Variants in RNF220 observed in about 807,000 individuals in gnomAD.
RNF220 encodes E3 ubiquitin-protein ligase RNF220.
A neutral mutation model predicts 67.1 loss-of-function variants in RNF220; 7 were observed. The ratio of observed to expected loss-of-function variants is 0.10; its 90% CI spans 0.06 to 0.20. RNF220 has a LOEUF of 0.20. RNF220 is among the 10% of genes least tolerant of loss of function. The pLI is 1.00. For synonymous variants in RNF220, 270 were observed against 283.2 expected (o/e 0.95, Z 0.47); for missense variants, 565 against 740.3 (o/e 0.76, Z 2.75).
intron 2 of RNF220, among the ~76,000 whole-genome samples, chr1:44,576,775 A>G (rs1483516699): frequency 6.6e-6 from 1 of 152,156 alleles, no homozygotes; most frequent in Admixed American, 6.5e-5. Context: ...TTCGTCTCTG[A>G]CTTGTTATTT....
At chr1:44,644,432 C>T (rs1189170284) in intron 8 of RNF220, 10 of 407,464 alleles carry the variant, frequency 2.5e-5, no homozygotes, top group South Asian at 9.0e-5. Context: ...TCCCCGAGGA[C>T]GTGACATAAT....
chr1:44,614,253 G>A lies in RNF220; in HGVS notation c.714G>A (p.Glu238=), dbSNP rs749136314. The change falls in exon 3 of 15, where the codon GAG becomes GAA. Residue 238 remains glutamate, a synonymous_variant. Transcript: ENST00000361799. ...TGCTGAGGCCCAGTGAGCTGCAGGA[G>A]CATATGGAGCAGGAACTGGAGCAGC... The part of the protein sequence containing the change: ...QVLLRPSELQ[E]HMEQELEQLA... The A allele has an allele frequency of 1.2e-6, 2 of 1,614,174 alleles. No homozygotes were observed. The highest frequency in any genetic ancestry group is 8.5e-7 in the Non-Finnish European group (1 of 1,180,010).
chr1:44,551,546 T>A (rs1395563311), intron 2 of RNF220, among the ~76,000 whole-genome samples: 1 of 152,188 alleles, frequency 6.6e-6, no homozygotes, highest in Non-Finnish European at 1.5e-5. Flanking sequence ...AAGCTGTTGA[T>A]ACGTATTGAT....
chr1:44,537,270 C>A (rs1208550688), intron 2 of RNF220, among the ~76,000 whole-genome samples: 1 of 152,062 alleles, frequency 6.6e-6, no homozygotes, highest in East Asian at 1.9e-4. Flanking sequence ...TCTTTCTGCC[C>A]CTGTTTGAAC....
chr1:44,613,125 T>C (rs1249074368), intron 2 of RNF220, among the ~76,000 whole-genome samples: 2 of 144,968 alleles, frequency 1.4e-5, no homozygotes, highest in Non-Finnish European at 3.0e-5. Flanking sequence ...AGAGCATCCA[T>C]GGATATGCAG....
intron 2 of RNF220, among the ~76,000 whole-genome samples, chr1:44,532,042 G>A (rs368296486): frequency 6.6e-6 from 1 of 152,082 alleles, no homozygotes. Flanking sequence ...TCTAAAGTCA[G>A]TGCAGATGAC....
chr1:44,542,409 G>T (rs1294877036), intron 2 of RNF220, among the ~76,000 whole-genome samples: 1 of 152,198 alleles, frequency 6.6e-6, no homozygotes, highest in Admixed American at 6.5e-5. Context: ...CCCTGCCCAT[G>T]CCCCTGTACT....
intron 1 of RNF220, among the ~76,000 whole-genome samples, chr1:44,406,472 ACTACT>A (rs1165799374): frequency 6.6e-6 from 1 of 152,226 alleles, no homozygotes; most frequent in African/African-American, 2.4e-5. Flanking sequence ...GGGCTACTTG[ACTACT>A]CTACTTGTAG....
At chr1:44,470,658 C>T (rs1467814018) in intron 2 of RNF220, among the ~76,000 whole-genome samples, 2 of 152,068 alleles carry the variant, frequency 1.3e-5, no homozygotes, top group African/African-American at 4.8e-5. Flanking sequence ...CCTTTACCAC[C>T]ACTCCACTTC....
chr1:44,412,828 C>T lies in RNF220; in HGVS notation c.625+106C>T, dbSNP rs1648110216. ...GCATGCTCCTAGTAATAGGAAGGGCCAACTACTTCCCTTTCACTAGCTGTG... is the reference window on the plus strand; with the variant it reads ...GCATGCTCCTAGTAATAGGAAGGGCTAACTACTTCCCTTTCACTAGCTGTG... On this transcript the variant is annotated intron_variant, in intron 2 of 14. Transcript: ENST00000361799. This position sits in a 1 kb window ranked among gnomAD's most constrained non-coding sequence, Gnocchi z 5.3. The T allele has an allele frequency of 2.4e-6, 3 of 1,269,850 alleles. No individual in the cohort carries two copies. Among genetic ancestry groups the T allele is most frequent in the East Asian group, 4.7e-5 (2 of 42,782 alleles). 78.7% of individuals were successfully genotyped at this position (1,269,850 alleles called of 1,614,324 possible). A position where few individuals can be genotyped will look rare whatever the true frequency, so the allele number is the denominator to read the frequency against.
At chr1:44,640,015 C>G (rs1371317748) in intron 8 of RNF220, among the ~76,000 whole-genome samples, 1 of 152,220 alleles carries the variant, frequency 6.6e-6, no homozygotes, top group Non-Finnish European at 1.5e-5. Context: ...GTCTTGAACT[C>G]CTGACCTCAG....
At chr1:44,473,997 A>G (rs771609217) in intron 2 of RNF220, among the ~76,000 whole-genome samples, 1 of 152,198 alleles carries the variant, frequency 6.6e-6, no homozygotes, top group East Asian at 1.9e-4. Context: ...CATTAAGTAC[A>G]GTCGGCCTTC....
chr1:44,476,589 G>A (rs1339837580), intron 2 of RNF220, among the ~76,000 whole-genome samples: 3 of 152,132 alleles, frequency 2.0e-5, no homozygotes, highest in Non-Finnish European at 4.4e-5. Context: ...TGTGGTCTGT[G>A]GCCCTAGAAA....
intron 2 of RNF220, among the ~76,000 whole-genome samples, chr1:44,476,010 GAAAGAA>G (rs1015142617): frequency 8.7e-4 from 131 of 150,630 alleles, no homozygotes; most frequent in African/African-American, 3.1e-3. Flanking sequence ...AAAAAAAAAA[GAAAGAA>G]AAAGAAAAAA....
intron 2 of RNF220, among the ~76,000 whole-genome samples, chr1:44,547,025 G>C (rs986036818): frequency 6.6e-6 from 1 of 152,194 alleles, no homozygotes; most frequent in African/African-American, 2.4e-5. Flanking sequence ...AAACCAAGGT[G>C]TTCATGTTGT....
Position 44,621,439 on chromosome 1 carries a change from G to T in RNF220, c.759-1303G>T, listed in dbSNP as rs890991253. On this transcript the variant is annotated intron_variant, in intron 3 of 14. Transcript: ENST00000361799. The surrounding 1 kb of genome is among the most constrained non-coding windows in gnomAD (Gnocchi z 4.8). Reference sequence around the variant, plus strand: ...AATTCTTTGCTGTGAGGGGCTGTCTGGTACACTGTAGGCTGTTTAACATCC... The same window carrying T: ...AATTCTTTGCTGTGAGGGGCTGTCTTGTACACTGTAGGCTGTTTAACATCC... 2.0e-5 allele frequency among the ~76,000 whole-genome samples: 3 copies of T among 152,118 alleles called. No homozygotes were observed. The highest frequency in any genetic ancestry group is 7.2e-5 in the African/African-American group (3 of 41,410).
chr1:44,641,106 T>G (rs1255659159), intron 8 of RNF220, among the ~76,000 whole-genome samples: 1 of 151,748 alleles, frequency 6.6e-6, no homozygotes, highest in East Asian at 2.0e-4. Flanking sequence ...GAAGGGTCGT[T>G]TTTATAAAAC....
At position 44,649,825 on chromosome 1, in the gene RNF220, G is replaced by C. The variant is rs1364738837; in HGVS notation, c.1554+56G>C. On this transcript the variant is annotated intron_variant, in intron 13 of 14. Transcript: ENST00000361799. The surrounding 1 kb of genome is among the most constrained non-coding windows in gnomAD (Gnocchi z 5.9). Reference sequence around the variant, plus strand: ...GGTCAGGCTTCCACGCCCTCTGGGGGAGTTGGAGAGGGTGGGCCTACCTCA... The same window carrying C: ...GGTCAGGCTTCCACGCCCTCTGGGGCAGTTGGAGAGGGTGGGCCTACCTCA... The C allele has an allele frequency of 1.9e-6, 3 of 1,613,140 alleles. No individual in the cohort carries two copies. Among genetic ancestry groups the C allele is most frequent in the African/African-American group, 2.7e-5 (2 of 74,882 alleles).
rs1439954227 is a variant in RNF220 at position 44,411,962 on chromosome 1, C to T, written c.-117-19C>T. On this transcript the variant is annotated intron_variant, in intron 1 of 14. Coordinates refer to ENST00000361799, the MANE Select transcript of RNF220 (RefSeq NM_018150.4). ...TGACTTTCCTCCCCCTTCTTTTTTT[C>T]TCTTTGCTGTTTCTACAGGTCTTAG... 8.3e-6 allele frequency: 8 copies of T among 963,778 alleles called. No individual in the cohort carries two copies. The highest frequency in any genetic ancestry group is 2.1e-5 in the South Asian group (1 of 46,888). The allele number at this position is 963,778 out of a possible 1,614,324, so 59.7% of individuals were successfully genotyped here.
Sources: gnomAD v4.1 joint callset for allele counts (sites outside exome capture counted in the v4.1 genomes callset) on GRCh38, gnomAD v4.1.1 for gene constraint, Gnocchi (gnomAD v3.1) non-coding constraint, MANE v1.5 for transcripts, NCBI Gene and HGNC (gene_info 2026-07-23, HGNC 2026-07-21) for gene names.